RSRC1: variants seen among roughly 807,000 people sequenced by gnomAD.
RSRC1 encodes serine/Arginine-related protein 53.
RSRC1 carries 39 observed loss-of-function variants against 49.1 expected under a neutral mutation model. The ratio of observed to expected loss-of-function variants is 0.79; its 90% confidence interval spans 0.61 to 1.04. RSRC1 has a LOEUF of 1.04. Among genes scored for constraint, RSRC1 ranks in the 50% least tolerant of loss-of-function variants. RSRC1 has a pLI of 0.00. For missense variants in RSRC1, 388 were observed against 402.4 expected (o/e 0.96, Z 0.31); for synonymous variants, 143 against 130.8 (o/e 1.09, Z -0.63).
chr3:158,272,380 C>G (rs1442446827), intron 4 of RSRC1, among the ~76,000 whole-genome samples: 1 of 152,074 alleles, frequency 6.6e-6, no homozygotes, highest in East Asian at 1.9e-4. Flanking sequence ...TGAATTAGAG[C>G]TTTTTCATTT....
chr3:158,384,368 T>C (rs1348601209), intron 6 of RSRC1, among the ~76,000 whole-genome samples: 2 of 152,126 alleles, frequency 1.3e-5, no homozygotes, highest in Non-Finnish European at 2.9e-5. Context: ...AAGCCAGTAT[T>C]AAGCTAACTA....
In RSRC1 at chr3:158,166,880, A is replaced by G. The variant is rs186746111; in HGVS notation, c.321-36192A>G. On this transcript the variant is annotated intron_variant, in intron 3 of 9. Transcript: ENST00000611884. Reference sequence around the variant, plus strand: ...AAGAGGAAACGTGAAACTAATACATAGATTGCTTGTTTACAATAAGTACCC... The same window carrying G: ...AAGAGGAAACGTGAAACTAATACATGGATTGCTTGTTTACAATAAGTACCC... Among the ~76,000 whole-genome samples the G allele has an allele frequency of 2.6e-4, 39 of 152,312 alleles. 1 individual carries two copies. The highest frequency in any genetic ancestry group is 2.2e-3 in the Admixed American group (33 of 15,294).
chr3:158,261,216 C>T (rs1724876364), intron 4 of RSRC1, among the ~76,000 whole-genome samples: 1 of 152,194 alleles, frequency 6.6e-6, no homozygotes, highest in African/African-American at 2.4e-5. Flanking sequence ...TGCCATATTA[C>T]AATTCTGCTA....
At chr3:158,278,189 A>G (rs1029381583) in intron 4 of RSRC1, among the ~76,000 whole-genome samples, 3 of 152,330 alleles carry the variant, frequency 2.0e-5, no homozygotes, top group African/African-American at 7.2e-5. Flanking sequence ...CCACAAGAGC[A>G]AGTGAGGTTC....
chr3:158,226,745 C>G (rs1015198644), intron 4 of RSRC1, among the ~76,000 whole-genome samples: 2 of 151,926 alleles, frequency 1.3e-5, no homozygotes. Flanking sequence ...CTCCTTCTTG[C>G]CCTTTTACCT....
chr3:158,126,024 T>C (rs1194701869), intron 3 of RSRC1, among the ~76,000 whole-genome samples: 1 of 152,132 alleles, frequency 6.6e-6, no homozygotes, highest in Non-Finnish European at 1.5e-5. Context: ...CCACTTCTGC[T>C]CTTTTTTTGT....
At chr3:158,303,945 C>A (rs1255412792) in intron 5 of RSRC1, among the ~76,000 whole-genome samples, 2 of 152,136 alleles carry the variant, frequency 1.3e-5, no homozygotes, top group African/African-American at 2.4e-5. Flanking sequence ...GATAATACAT[C>A]TTTTAGTGAA....
chr3:158,208,997 T>G (rs781345486), intron 4 of RSRC1, among the ~76,000 whole-genome samples: 1 of 152,184 alleles, frequency 6.6e-6, no homozygotes, highest in South Asian at 2.1e-4. Context: ...AAATTAGTTG[T>G]GAACAAATAT....
chr3:158,537,149 G>A lies in RSRC1; in HGVS notation c.710G>A (p.Ser237Asn). The change falls in exon 8 of 10, where the codon AGT becomes AAT. Residue 237 changes from serine (S) to asparagine (N), a missense_variant. Coordinates refer to ENST00000611884, the MANE Select transcript of RSRC1 (RefSeq NM_001271838.2). ...GTAAAAGAAATTGAAGCTATTGAAAGTGATTCTTTTGTTCAGCAGACATTC... is the reference window on the plus strand; with the variant it reads ...GTAAAAGAAATTGAAGCTATTGAAAATGATTCTTTTGTTCAGCAGACATTC... ...KRVKEIEAIESDSFVQQTFRS... is the reference protein window; with the variant it reads ...KRVKEIEAIENDSFVQQTFRS... The A allele has an allele frequency of 6.2e-7, 1 of 1,602,850 alleles. No individual in the cohort carries two copies. The highest frequency in any genetic ancestry group is 8.5e-7 in the Non-Finnish European group (1 of 1,175,206).
At chr3:158,248,380 AATG>A (rs1378523911) in intron 4 of RSRC1, among the ~76,000 whole-genome samples, 3 of 152,122 alleles carry the variant, frequency 2.0e-5, no homozygotes, top group Non-Finnish European at 4.4e-5. Context: ...AGTTCCTTTG[AATG>A]ATAAGTAATA....
chr3:158,471,706 A>G (rs1738140679), intron 7 of RSRC1, among the ~76,000 whole-genome samples: 1 of 152,184 alleles, frequency 6.6e-6, no homozygotes, highest in African/African-American at 2.4e-5. Context: ...ACAAGTTGGG[A>G]TGACTCAGAC....
intron 4 of RSRC1, among the ~76,000 whole-genome samples, chr3:158,221,738 G>C (rs1316551894): frequency 2.0e-5 from 3 of 151,400 alleles, no homozygotes; most frequent in Non-Finnish European, 3.0e-5. Context: ...GTTTTACAGA[G>C]CTCAACCTGC....
intron 4 of RSRC1, among the ~76,000 whole-genome samples, chr3:158,281,496 G>A (rs1559974809): frequency 6.6e-6 from 1 of 152,084 alleles, no homozygotes; most frequent in Non-Finnish European, 1.5e-5. Flanking sequence ...ACAAGACTAG[G>A]GCCCAGGACT....
At chr3:158,428,679 T>G (rs1016404409) in intron 6 of RSRC1, among the ~76,000 whole-genome samples, 1 of 151,922 alleles carries the variant, frequency 6.6e-6, no homozygotes, top group Non-Finnish European at 1.5e-5. Context: ...TATAACCTAG[T>G]CTGCCTCCCT....
intron 7 of RSRC1, among the ~76,000 whole-genome samples, chr3:158,474,958 C>T (rs1738303977): frequency 6.6e-6 from 1 of 152,056 alleles, no homozygotes; most frequent in Non-Finnish European, 1.5e-5. Flanking sequence ...CTTAGTTGCC[C>T]AGCTGAAATA....
intron 7 of RSRC1, among the ~76,000 whole-genome samples, chr3:158,477,485 A>G (rs952023022): frequency 6.6e-6 from 1 of 152,114 alleles, no homozygotes; most frequent in Admixed American, 6.6e-5. Context: ...CAGCAAAAAG[A>G]TTATGACTTG....
At chr3:158,341,744 G>A (rs553927823) in intron 5 of RSRC1, among the ~76,000 whole-genome samples, 6 of 152,244 alleles carry the variant, frequency 3.9e-5, no homozygotes, top group Non-Finnish European at 5.9e-5. Context: ...CAGAATCACA[G>A]ATCTATTGAC....
At chr3:158,386,811 T>C (rs1399990796) in intron 6 of RSRC1, among the ~76,000 whole-genome samples, 3 of 149,344 alleles carry the variant, frequency 2.0e-5, no homozygotes, top group Non-Finnish European at 1.5e-5. Context: ...ATAATGTGAG[T>C]CGTATTCACT....
intron 7 of RSRC1, among the ~76,000 whole-genome samples, chr3:158,466,474 G>A (rs2885663): frequency 0.42 from 64,508 of 151,950 alleles, 14,177 homozygotes; most frequent in African/African-American, 0.54. Flanking sequence ...TCAGATACTT[G>A]CAATATAAAT....
Sources: gnomAD v4.1 joint callset for allele counts (sites outside exome capture counted in the v4.1 genomes callset) on GRCh38, gnomAD v4.1.1 for gene constraint, MANE v1.5 for transcripts, NCBI Gene and HGNC (gene_info 2026-07-23, HGNC 2026-07-21) for gene names.